The following MAMLD1 variants were observed in gnomAD, a reference collection of about 807,000 sequenced individuals.
MAMLD1 encodes the protein mastermind-like domain-containing protein 1.
A neutral mutation model predicts 45.0 loss-of-function variants in MAMLD1; 14 were observed. The observed-to-expected ratio is 0.31, with a 90% CI of 0.21 to 0.49. The LOEUF is 0.49. MAMLD1 is among the 20% of genes least tolerant of loss of function. The pLI is 0.99. For missense variants in MAMLD1, 543 were observed against 603.6 expected, an observed-to-expected ratio of 0.90 and a Z score of 1.05; for synonymous variants, 254 against 247.8, an observed-to-expected ratio of 1.02 and a Z score of -0.24.
At chrX:150,511,612 T>A (rs2037901810) in intron 7 of MAMLD1, among the ~76,000 whole-genome samples, 1 of 112,084 alleles carries the variant, frequency 8.9e-6, no homozygotes. Context: ...CCTTCCTTCC[T>A]TCTACAAAAT....
intron 6 of MAMLD1, chrX:150,505,182 G>C: frequency 2.2e-6 from 1 of 445,194 alleles, no homozygotes; most frequent in Non-Finnish European, 2.8e-6. Flanking sequence ...CTTCAGACCA[G>C]TTCAAACCTG....
At chrX:150,432,318 C>A (rs1430124435) in intron 1 of MAMLD1, among the ~76,000 whole-genome samples, 2 of 111,624 alleles carry the variant, frequency 1.8e-5, no homozygotes, top group Non-Finnish European at 3.8e-5. Flanking sequence ...AGATATTAGA[C>A]CTTTGTTGGA....
At chrX:150,457,701 G>A (rs1277956423) in intron 2 of MAMLD1, among the ~76,000 whole-genome samples, 7 of 111,800 alleles carry the variant, frequency 6.3e-5, no homozygotes, top group Admixed American at 9.5e-5. Flanking sequence ...ACATGATGCC[G>A]GGTGAAAGAA....
intron 1 of MAMLD1, among the ~76,000 whole-genome samples, chrX:150,432,967 A>G (rs1466029298): frequency 9.0e-5 from 10 of 111,526 alleles, no homozygotes; most frequent in African/African-American, 3.3e-4. Context: ...TGTTAGTTTG[A>G]TAGGAATAAT....
intron 1 of MAMLD1, among the ~76,000 whole-genome samples, chrX:150,422,608 G>T (rs1227069292): frequency 9.0e-6 from 1 of 111,540 alleles, no homozygotes; most frequent in Non-Finnish European, 1.9e-5. Flanking sequence ...GTAGAAATAG[G>T]ATTTCACCAT....
At chrX:150,405,911 C>T (rs1484135085) in intron 1 of MAMLD1, among the ~76,000 whole-genome samples, 3 of 110,930 alleles carry the variant, frequency 2.7e-5, no homozygotes, top group African/African-American at 9.9e-5. Context: ...AGGAGACTTC[C>T]ACTCTAAGGT....
At position 150,441,046 on chromosome X, in the gene MAMLD1, ATAT is replaced by A. The variant is rs782030292; in HGVS notation, c.-63-4402_-63-4400del. Among the ~76,000 whole-genome samples the A allele has an allele frequency of 3.4e-3, 356 of 104,428 alleles. 2 individuals carry two copies. The highest frequency in any genetic ancestry group is 9.9e-3 in the Middle Eastern group (2 of 202). 90.7% of individuals were successfully genotyped at this position (104,428 alleles called of 115,157 possible). A position where few individuals can be genotyped will look rare whatever the true frequency, so the allele number is the denominator to read the frequency against. On this transcript the variant is annotated intron_variant, in intron 1 of 7. Transcript: ENST00000370401. ...AATTTAATAATTAATAATAATAAAA[ATAT>A]TATTAATATTATGTTTATTGATACA...
chrX:150,394,129 CTTTTTTTTTT>C (rs781904160), intron 1 of MAMLD1, among the ~76,000 whole-genome samples: 9 of 12,269 alleles, frequency 7.3e-4, no homozygotes, highest in Middle Eastern at 0.17. Context: ...TATCTACATC[CTTTTTTTTTT>C]TTTTTTTTTT....
intron 1 of MAMLD1, among the ~76,000 whole-genome samples, chrX:150,383,467 G>A (rs2032769546): frequency 1.8e-5 from 2 of 110,883 alleles, no homozygotes; most frequent in Admixed American, 1.9e-4. Context: ...TACATGCACA[G>A]GAGTCTTTAT....
At chrX:150,382,661 G>C (rs2032671766) in intron 1 of MAMLD1, among the ~76,000 whole-genome samples, 1 of 110,386 alleles carries the variant, frequency 9.1e-6, no homozygotes, top group Non-Finnish European at 1.9e-5. Context: ...GCACAAAAAA[G>C]GTGTTTATTA....
chrX:150,492,566 C>T (rs782725886), intron 5 of MAMLD1, among the ~76,000 whole-genome samples: 1 of 111,878 alleles, frequency 8.9e-6, no homozygotes, highest in East Asian at 2.8e-4. Context: ...ACAAGGTGCC[C>T]TGGACTGAAA....
intron 1 of MAMLD1, among the ~76,000 whole-genome samples, chrX:150,364,295 A>C (rs2031213733): frequency 8.8e-6 from 1 of 113,163 alleles, no homozygotes; most frequent in Non-Finnish European, 1.9e-5. Flanking sequence ...TGGCTTGGCC[A>C]GGCTCCGTCC....
At chrX:150,508,944 G>A (rs193000095) in intron 6 of MAMLD1, among the ~76,000 whole-genome samples, 83 of 111,708 alleles carry the variant, frequency 7.4e-4, no homozygotes, top group African/African-American at 2.5e-3. Flanking sequence ...ACCTGGATCC[G>A]AGTCACAACC....
At chrX:150,495,970 T>C (rs974248944) in intron 5 of MAMLD1, among the ~76,000 whole-genome samples, 7 of 111,591 alleles carry the variant, frequency 6.3e-5, no homozygotes, top group Admixed American at 1.9e-4. Flanking sequence ...TCCTATTCTC[T>C]CTATCCTGGT....
At chrX:150,466,645 A>G (rs782165358) in intron 3 of MAMLD1, among the ~76,000 whole-genome samples, 8 of 112,281 alleles carry the variant, frequency 7.1e-5, no homozygotes, top group African/African-American at 2.3e-4. Context: ...GCTGGGATCT[A>G]CTTTGTTATT....
chrX:150,400,406 G>A (rs2033696236), intron 1 of MAMLD1, among the ~76,000 whole-genome samples: 1 of 111,885 alleles, frequency 8.9e-6, no homozygotes, highest in Admixed American at 9.5e-5. Flanking sequence ...TCTGCAAACA[G>A]GGACAATTTG....
At position 150,512,089 on chromosome X, in the gene MAMLD1, G is replaced by C. The variant is rs1244290086; in HGVS notation, c.*130G>C. 28 of 1,147,854 alleles carry C rather than the reference G, an allele frequency of 2.4e-5. No individual in the cohort carries two copies. Among genetic ancestry groups the C allele is most frequent in the East Asian group, 3.3e-5 (1 of 30,537 alleles). 94.6% of individuals were successfully genotyped at this position (1,147,854 alleles called of 1,213,427 possible). On this transcript the variant is annotated 3_prime_UTR_variant, in exon 8 of 8. Coordinates refer to ENST00000370401, the MANE Select transcript of MAMLD1 (RefSeq NM_005491.5). ...AGCACTTGATGCCACCCAGAACTGG[G>C]CTTCTTCAGAACAATCTGAGTCCAG...
intron 1 of MAMLD1, among the ~76,000 whole-genome samples, chrX:150,416,602 T>C (rs1204067457): frequency 2.7e-5 from 3 of 112,042 alleles, no homozygotes; most frequent in African/African-American, 9.7e-5. Context: ...CGAAGGGAAG[T>C]GTCTGGGAAC....
At chrX:150,378,199 G>A (rs782528988) in intron 1 of MAMLD1, among the ~76,000 whole-genome samples, 18 of 111,909 alleles carry the variant, frequency 1.6e-4, no homozygotes, top group African/African-American at 5.5e-4. Flanking sequence ...AAGAGTACAC[G>A]CCAGTTATTT....
Sources: allele counts gnomAD v4.1 joint callset (sites outside exome capture counted in the v4.1 genomes callset), GRCh38; gene constraint gnomAD v4.1.1; transcripts MANE v1.5; gene names NCBI Gene and HGNC (gene_info 2026-07-23, HGNC 2026-07-21).